CNOT6L: variants seen among roughly 807,000 people sequenced by gnomAD.
CNOT6L encodes the protein CCR4-NOT transcription complex subunit 6 like, also known as CCR4-NOT transcription complex subunit 6-like.
Under a neutral mutation model 64.0 loss-of-function variants are expected in CNOT6L, and 7 were observed. The observed-to-expected ratio is 0.11, with a 90% CI of 0.06 to 0.21. The LOEUF (loss-of-function observed/expected upper bound fraction) is 0.21, where lower values mean the gene tolerates loss of function less well. Ranked by LOEUF, CNOT6L falls within the 10% of genes least tolerant of loss-of-function variation. The pLI, the probability that CNOT6L is intolerant of heterozygous loss-of-function variation, is 1.00. For synonymous variants in CNOT6L, 193 were observed against 243.4 expected (o/e 0.79, Z 1.93); for missense variants, 245 against 669.0 (o/e 0.37, Z 6.99).
intron 8 of CNOT6L, among the ~76,000 whole-genome samples, chr4:77,734,252 T>C (rs1003238639): frequency 1.3e-5 from 2 of 152,194 alleles, no homozygotes; most frequent in Admixed American, 6.5e-5. Context: ...ACATTAAATA[T>C]GTTTATTGTA....
chr4:77,819,767 G>A (rs971868911), upstream of CNOT6L, among the ~76,000 whole-genome samples: 2 of 150,482 alleles, frequency 1.3e-5, no homozygotes, highest in Non-Finnish European at 3.0e-5. Context: ...GATGCGGGGC[G>A]GGCGGGCCGG....
At chr4:77,798,887 T>A (rs974238803) in intron 1 of CNOT6L, among the ~76,000 whole-genome samples, 5 of 150,494 alleles carry the variant, frequency 3.3e-5, no homozygotes, top group African/African-American at 1.2e-4. Context: ...GCAGCCGAGG[T>A]AGGATTGCTT....
chr4:77,716,348 A>G lies in CNOT6L; in HGVS notation c.*4083T>C, dbSNP rs952346274. The G allele has an allele frequency of 2.6e-5, 4 of 152,136 alleles. No homozygotes were observed. Among genetic ancestry groups the G allele is most frequent in the Non-Finnish European group, 5.9e-5 (4 of 68,002 alleles). The allele number at this position is 152,136 out of a possible 1,614,324, so 9.4% of individuals were successfully genotyped here. A position where few individuals can be genotyped will look rare whatever the true frequency, so the allele number is the denominator to read the frequency against. On this transcript the variant is annotated 3_prime_UTR_variant, in exon 12 of 12. Coordinates refer to ENST00000504123, the MANE Select transcript of CNOT6L (RefSeq NM_144571.3). ...TAGAATCAAATAAGCATTGGGACAC[A>G]GTCAATTTTATCATTAGAAAATCTA...
intron 4 of CNOT6L, among the ~76,000 whole-genome samples, chr4:77,771,951 A>C (rs1482757327): frequency 6.6e-6 from 1 of 152,234 alleles, no homozygotes; most frequent in East Asian, 1.9e-4. Flanking sequence ...ATTAATTCAT[A>C]AATAAACTCT....
rs750299786 is a variant in CNOT6L, at chr4:77,727,950, C to T, written c.1252+904G>A. Among the ~76,000 whole-genome samples the T allele has an allele frequency of 8.6e-5, 13 of 151,916 alleles. No homozygotes were observed. The South Asian group carries it at 1.0e-3, about 12-fold the overall frequency. The stretch of plus-strand genomic sequence containing the variant: ...AGGCATTTAGGTTATCTTATAGTAA[C>T]CTTATTGTTACTTACTTTAAATAAC... On this transcript the variant is annotated intron_variant, in intron 10 of 11. Transcript: ENST00000504123.
intron 8 of CNOT6L, among the ~76,000 whole-genome samples, chr4:77,737,565 C>T (rs1198851941): frequency 5.3e-5 from 8 of 151,552 alleles, no homozygotes; most frequent in Admixed American, 3.9e-4. Flanking sequence ...GGATTACAGG[C>T]GCCCACCACC....
chr4:77,819,163 C>A, intron 1 of CNOT6L, 141 bp downstream of exon 1: 1 of 1,547,642 alleles, frequency 6.5e-7, no homozygotes, highest in Non-Finnish European at 8.8e-7. Flanking sequence ...CGCCGTGGGT[C>A]CTCGGGCCGC....
chr4:77,765,114 T>C (rs971197916), intron 4 of CNOT6L, among the ~76,000 whole-genome samples: 3 of 152,166 alleles, frequency 2.0e-5, no homozygotes, highest in African/African-American at 7.2e-5. Context: ...AAAATCAGGA[T>C]GGCAGTAAGA....
chr4:77,744,605 C>A, intron 7 of CNOT6L, 113 bp downstream of exon 7: 2 of 868,550 alleles, frequency 2.3e-6, no homozygotes, highest in Non-Finnish European at 1.6e-6. Flanking sequence ...GGAGAGAAAA[C>A]AATTCTTTTT....
intron 1 of CNOT6L, among the ~76,000 whole-genome samples, chr4:77,788,424 ATAT>A (rs1296650712): frequency 6.6e-6 from 1 of 152,210 alleles, no homozygotes; most frequent in Non-Finnish European, 1.5e-5. Context: ...GAGAAAGAAC[ATAT>A]TATAATAATA....
intron 1 of CNOT6L, among the ~76,000 whole-genome samples, chr4:77,792,159 T>C (rs530388202): frequency 1.1e-4 from 16 of 152,206 alleles, no homozygotes; most frequent in Admixed American, 7.2e-4. Flanking sequence ...ATAAGATAAA[T>C]AGAATCATTA....
In CNOT6L at chr4:77,775,977, A is replaced by G. The variant is rs530763204; in HGVS notation, c.127+294T>C. Among the ~76,000 whole-genome samples, 5 of 152,302 alleles carry G rather than the reference A, an allele frequency of 3.3e-5. No individual in the cohort carries two copies. The East Asian group carries it at 7.7e-4, about 23-fold the overall frequency. ...ATGGCAAAGATTTCAATTTGCAAAAATAATTACTCTGAAATAGCCTAAACA... is the reference window on the plus strand; with the variant it reads ...ATGGCAAAGATTTCAATTTGCAAAAGTAATTACTCTGAAATAGCCTAAACA... On this transcript the variant is annotated intron_variant, in intron 2 of 11. Transcript: ENST00000504123.
chr4:77,785,370 T>C (rs1337766227), intron 1 of CNOT6L, among the ~76,000 whole-genome samples: 1 of 152,034 alleles, frequency 6.6e-6, no homozygotes. Flanking sequence ...TAGGCAAAGA[T>C]TACTTAGATA....
At chr4:77,771,735 A>G (rs1443611968) in intron 4 of CNOT6L, among the ~76,000 whole-genome samples, 1 of 152,210 alleles carries the variant, frequency 6.6e-6, no homozygotes, top group Non-Finnish European at 1.5e-5. Flanking sequence ...CATTCTTTCT[A>G]TTCTTATTCA....
chr4:77,756,681 G>A (rs1047976809), intron 5 of CNOT6L, among the ~76,000 whole-genome samples, 181 bp downstream of exon 5: 3 of 152,192 alleles, frequency 2.0e-5, no homozygotes, highest in East Asian at 1.9e-4. Flanking sequence ...ATATTGCTTG[G>A]TAAATAGAAA....
chr4:77,725,978 G>A (rs1490077310), intron 11 of CNOT6L, 189 bp downstream of exon 11: 2 of 588,276 alleles, frequency 3.4e-6, no homozygotes, highest in Non-Finnish European at 6.0e-6. Context: ...AGAGCAAGAA[G>A]AATTTAAGAC....
intron 1 of CNOT6L, among the ~76,000 whole-genome samples, chr4:77,796,453 T>C (rs1730864897): frequency 6.6e-6 from 1 of 152,010 alleles, no homozygotes; most frequent in African/African-American, 2.4e-5. Context: ...AGGGGATGTG[T>C]GGCACTTCCC....
chr4:77,772,712 G>A (rs1016515253), intron 4 of CNOT6L, among the ~76,000 whole-genome samples: 1 of 152,058 alleles, frequency 6.6e-6, no homozygotes, highest in Non-Finnish European at 1.5e-5. Context: ...CACGAGGTCA[G>A]GAGATCGAGA....
rs559154385 is a variant in CNOT6L at position 77,810,557 on chromosome 4, T to C, written c.5+8747A>G. On this transcript the variant is annotated intron_variant, in intron 1 of 11. Coordinates refer to ENST00000504123, the MANE Select transcript of CNOT6L (RefSeq NM_144571.3). ...TTGTATATATATATGGGATACACAGTGATGTTTCCATACATACAATGTGTA... is the reference window on the plus strand; with the variant it reads ...TTGTATATATATATGGGATACACAGCGATGTTTCCATACATACAATGTGTA... Among the ~76,000 whole-genome samples the C allele has an allele frequency of 9.6e-4, 146 of 152,304 alleles. 3 individuals carry two copies. The highest frequency in any genetic ancestry group is 3.1e-3 in the South Asian group (15 of 4,828).
Sources: gnomAD v4.1 joint callset for allele counts (sites outside exome capture counted in the v4.1 genomes callset) on GRCh38, gnomAD v4.1.1 for gene constraint, MANE v1.5 for transcripts, NCBI Gene and HGNC (gene_info 2026-07-23, HGNC 2026-07-21) for gene names.